Variants in ARL15 observed in about 807,000 individuals in gnomAD.
ARL15 encodes the protein ARF like GTPase 15, also known as ADP-ribosylation factor-like protein 15.
In ARL15, 19 loss-of-function variants were observed where a neutral mutation model predicts 25.2. The observed-to-expected ratio is 0.75, with a 90% CI of 0.53 to 1.10. The LOEUF is 1.10. ARL15 is among the 50% of genes least tolerant of loss of function. ARL15 has a pLI of 0.00. For missense variants in ARL15, 220 were observed against 246.0 expected, an observed-to-expected ratio of 0.89 and a Z score of 0.71; for synonymous variants, 94 against 86.8, an observed-to-expected ratio of 1.08 and a Z score of -0.46.
chr5:53,899,888 C>A (rs546714287), intron 4 of ARL15, among the ~76,000 whole-genome samples: 2 of 152,296 alleles, frequency 1.3e-5, no homozygotes, highest in South Asian at 2.1e-4. Context: ...ACAGAAGAGT[C>A]CTCCTTACTT....
At chr5:53,973,371 C>T (rs975590751) in intron 4 of ARL15, among the ~76,000 whole-genome samples, 7 of 151,790 alleles carry the variant, frequency 4.6e-5, no homozygotes, top group Non-Finnish European at 8.8e-5. Flanking sequence ...GTCAGAAGTT[C>T]GAGACCAGCC....
chr5:54,286,953 G>A (rs1261614634), intron 1 of ARL15, among the ~76,000 whole-genome samples: 1 of 150,492 alleles, frequency 6.6e-6, no homozygotes, highest in Non-Finnish European at 1.5e-5. Context: ...ACTGCTGCCT[G>A]GACCTCCTGT....
At chr5:54,137,187 C>T (rs773770319) in intron 3 of ARL15, among the ~76,000 whole-genome samples, 2 of 151,958 alleles carry the variant, frequency 1.3e-5, no homozygotes, top group African/African-American at 2.4e-5. Context: ...CTAGGTTAGC[C>T]ATGTCAGGCA....
At chr5:54,310,311 A>C in intron 1 of ARL15, 121 bp downstream of exon 1, 2 of 1,150,374 alleles carry the variant, frequency 1.7e-6, no homozygotes, top group East Asian at 2.6e-5. Context: ...GCTGCGGGAG[A>C]AAGAACCCCA....
intron 4 of ARL15, among the ~76,000 whole-genome samples, chr5:54,085,613 G>A (rs1751940411): frequency 6.6e-6 from 1 of 152,018 alleles, no homozygotes; most frequent in South Asian, 2.1e-4. Flanking sequence ...AAAACATCTG[G>A]CAATTGTACA....
chr5:54,179,842 A>AC (rs1487298745), intron 1 of ARL15, among the ~76,000 whole-genome samples: 1 of 151,692 alleles, frequency 6.6e-6, no homozygotes, highest in Non-Finnish European at 1.5e-5. Flanking sequence ...ACGTGGTGAG[A>AC]CCCCGTCTCT....
At chr5:54,192,694 T>C (rs1173042808) in intron 1 of ARL15, among the ~76,000 whole-genome samples, 1 of 151,076 alleles carries the variant, frequency 6.6e-6, no homozygotes, top group Non-Finnish European at 1.5e-5. Context: ...TTTTAAAGTT[T>C]TCTAATCTTT....
Position 54,113,382 on chromosome 5 carries a change from G to T in ARL15, c.282C>A (p.Ser94Arg). The stretch of plus-strand genomic sequence containing the variant: ...CCCCTTGAGATCCTTGGTAGTAGCG[G>T]CTCCAGTATTTCCGGATGTTATCAG... ...GGADNIRKYW[S>R]RYYQGSQGVI... The change falls in exon 4 of 5, where the codon AGC becomes AGA. Residue 94 changes from serine (S) to arginine (R), a missense_variant. By Grantham distance (110) the Ser-to-Arg change is moderately radical. Transcript: ENST00000504924. 6.2e-7 allele frequency: 1 copy of T among 1,613,868 alleles called. No individual in the cohort carries two copies. Among genetic ancestry groups the T allele is most frequent in the Non-Finnish European group, 8.5e-7 (1 of 1,179,832 alleles).
At chr5:53,902,057 C>T (rs1745084432) in intron 4 of ARL15, among the ~76,000 whole-genome samples, 1 of 152,202 alleles carries the variant, frequency 6.6e-6, no homozygotes, top group South Asian at 2.1e-4. Flanking sequence ...TAAGACCTTA[C>T]AAAACATTTG....
intron 3 of ARL15, among the ~76,000 whole-genome samples, chr5:54,144,042 A>G (rs1314823840): frequency 2.6e-5 from 4 of 152,026 alleles, no homozygotes; most frequent in African/African-American, 7.2e-5. Context: ...CCATGTTAAA[A>G]TCAGAAATAA....
chr5:54,097,732 G>A (rs1252671849), intron 4 of ARL15, among the ~76,000 whole-genome samples: 1 of 152,274 alleles, frequency 6.6e-6, no homozygotes, highest in South Asian at 2.1e-4. Context: ...AGAAGAATAA[G>A]ATGTAAAATA....
At chr5:54,056,211 C>G (rs1483865821) in intron 4 of ARL15, among the ~76,000 whole-genome samples, 3 of 152,082 alleles carry the variant, frequency 2.0e-5, no homozygotes, top group East Asian at 1.9e-4. Flanking sequence ...TAATATCACA[C>G]TCATATGGTT....
intron 1 of ARL15, among the ~76,000 whole-genome samples, chr5:54,181,904 G>C (rs1391625115): frequency 6.9e-6 from 1 of 144,146 alleles, no homozygotes; most frequent in Non-Finnish European, 1.5e-5. Context: ...GGCCAGTGAT[G>C]ATGAGCATTT....
intron 3 of ARL15, among the ~76,000 whole-genome samples, chr5:54,136,655 A>T (rs1753612467): frequency 6.6e-6 from 1 of 152,234 alleles, no homozygotes; most frequent in African/African-American, 2.4e-5. Context: ...CACACAAGAT[A>T]GAATTCTGGT....
At chr5:54,211,012 C>T (rs1229903743) in intron 1 of ARL15, among the ~76,000 whole-genome samples, 3 of 152,106 alleles carry the variant, frequency 2.0e-5, no homozygotes, top group African/African-American at 4.8e-5. Context: ...GTAGTTTTTG[C>T]TTATTTTTGC....
intron 4 of ARL15, among the ~76,000 whole-genome samples, chr5:53,918,527 A>G (rs577906020): frequency 6.6e-6 from 1 of 152,276 alleles, no homozygotes; most frequent in Non-Finnish European, 1.5e-5. Flanking sequence ...TGTCAATTGC[A>G]TAATAATCTA....
At chr5:54,130,361 A>C (rs900001446) in intron 3 of ARL15, among the ~76,000 whole-genome samples, 2 of 152,240 alleles carry the variant, frequency 1.3e-5, no homozygotes, top group Non-Finnish European at 2.9e-5. Flanking sequence ...CTCTTTCCTA[A>C]TGCAACACCC....
In ARL15 at chr5:54,131,913, A is replaced by AG. The variant is rs1005874585; in HGVS notation, c.254-18504_254-18503insC. 3.9e-4 allele frequency among the ~76,000 whole-genome samples: 59 copies of AG among 152,300 alleles called. 2 individuals are homozygous for AG. The highest frequency in any genetic ancestry group is 7.3e-5 in the Non-Finnish European group (5 of 68,034). ...GCAAGACTCCGTCTCAAAAAAAAAA[A>AG]AAAATTCTAGCCAATATGATAAGGC... On this transcript the variant is annotated intron_variant, in intron 3 of 4. Coordinates refer to ENST00000504924, the MANE Select transcript of ARL15 (RefSeq NM_019087.3).
chr5:54,104,091 T>A (rs1280113683), intron 4 of ARL15, among the ~76,000 whole-genome samples: 1 of 152,164 alleles, frequency 6.6e-6, no homozygotes, highest in Non-Finnish European at 1.5e-5. Context: ...GCTCTTCCCG[T>A]TCCCCTCTTT....
Sources: gnomAD v4.1 joint callset for allele counts (sites outside exome capture counted in the v4.1 genomes callset) on GRCh38, gnomAD v4.1.1 for gene constraint, MANE v1.5 for transcripts, NCBI Gene and HGNC (gene_info 2026-07-23, HGNC 2026-07-21) for gene names.